CDH13: variants seen among roughly 807,000 people sequenced by gnomAD.
CDH13 encodes cadherin 13.
CDH13 carries 24 observed loss-of-function variants against 63.8 expected under a neutral mutation model. That is an observed-to-expected ratio of 0.38 (90% CI 0.27 to 0.53). The LOEUF (loss-of-function observed/expected upper bound fraction) is 0.53, where lower values mean the gene tolerates loss of function less well. CDH13 is among the 20% of genes least tolerant of loss of function. CDH13 has a pLI of 0.85. For synonymous variants in CDH13, 503 were observed against 355.3 expected (o/e 1.42, Z -4.67); for missense variants, 1,049 against 903.1 (o/e 1.16, Z -2.07).
chr16:83,134,977 C>T (rs541289214), intron 4 of CDH13, among the ~76,000 whole-genome samples: 3 of 152,220 alleles, frequency 2.0e-5, no homozygotes, highest in Admixed American at 6.5e-5. Flanking sequence ...TTATGAACAT[C>T]TGGCCTCAGA....
intron 4 of CDH13, among the ~76,000 whole-genome samples, chr16:83,164,553 T>A (rs1377852362): frequency 6.6e-6 from 1 of 151,888 alleles, no homozygotes; most frequent in African/African-American, 2.4e-5. Context: ...AAACCCCATC[T>A]CTACTAAAAA....
chr16:83,509,169 G>A (rs2074496318), intron 7 of CDH13, among the ~76,000 whole-genome samples: 1 of 152,216 alleles, frequency 6.6e-6, no homozygotes, highest in Admixed American at 6.5e-5. Flanking sequence ...GAGTTTCAAA[G>A]ATGTAAGAGC....
At chr16:83,741,452 A>C (rs187190916) in intron 10 of CDH13, among the ~76,000 whole-genome samples, 1 of 151,236 alleles carries the variant, frequency 6.6e-6, no homozygotes, top group Admixed American at 6.6e-5. Flanking sequence ...TACGTTTCTC[A>C]TAGTCTTTCC....
intron 10 of CDH13, among the ~76,000 whole-genome samples, chr16:83,694,076 C>G (rs1905147693): frequency 6.6e-6 from 1 of 152,150 alleles, no homozygotes; most frequent in Non-Finnish European, 1.5e-5. Context: ...TGGAATAAAA[C>G]AAGAACAGAC....
chr16:83,097,854 C>T (rs1018564980), intron 3 of CDH13, among the ~76,000 whole-genome samples: 4 of 152,136 alleles, frequency 2.6e-5, no homozygotes, highest in African/African-American at 7.2e-5. Flanking sequence ...GTAGAGTAGA[C>T]CACATTCCAC....
At chr16:83,490,813 C>T (rs1003279994) in intron 7 of CDH13, among the ~76,000 whole-genome samples, 1 of 152,214 alleles carries the variant, frequency 6.6e-6, no homozygotes, top group Non-Finnish European at 1.5e-5. Flanking sequence ...TAATAGATAT[C>T]AAGTTTCCCC....
intron 2 of CDH13, among the ~76,000 whole-genome samples, chr16:82,997,185 A>G (rs561167341): frequency 1.1e-4 from 16 of 151,694 alleles, no homozygotes; most frequent in African/African-American, 2.9e-4. Flanking sequence ...GATGGTGGTG[A>G]TGTTGATGGT....
chr16:82,963,918 C>A (rs974534438), intron 2 of CDH13, among the ~76,000 whole-genome samples: 2 of 152,184 alleles, frequency 1.3e-5, no homozygotes, highest in Non-Finnish European at 2.9e-5. Flanking sequence ...CCAGCCTGCT[C>A]TCACAGTTGG....
In CDH13 at chr16:83,353,111, T is replaced by G. The variant is rs574768834; in HGVS notation, c.781+8105T>G. Among the ~76,000 whole-genome samples, 3 of 152,320 alleles carry G rather than the reference T, an allele frequency of 2.0e-5. No homozygotes were observed. The East Asian group carries it at 5.8e-4, about 29-fold the overall frequency. ...AGGGTGTAACGTGTGAGAAATTGCTTAATGAGTACAATATATGTTACTCAG... is the reference window on the plus strand; with the variant it reads ...AGGGTGTAACGTGTGAGAAATTGCTGAATGAGTACAATATATGTTACTCAG... On this transcript the variant is annotated intron_variant, in intron 6 of 13. Coordinates refer to ENST00000567109, the MANE Select transcript of CDH13 (RefSeq NM_001257.5).
chr16:83,413,172 C>T (rs1045347224), intron 6 of CDH13, among the ~76,000 whole-genome samples: 4 of 152,108 alleles, frequency 2.6e-5, no homozygotes, highest in African/African-American at 7.2e-5. Context: ...TGCAAAGGCA[C>T]GGTGATGCAG....
chr16:82,865,517 T>C (rs1428826698), intron 2 of CDH13, among the ~76,000 whole-genome samples: 2 of 152,206 alleles, frequency 1.3e-5, no homozygotes, highest in African/African-American at 4.8e-5. Context: ...TCTGAAACAA[T>C]AGCCTGAACT....
In CDH13 at chr16:82,901,373, G is replaced by A. The variant is rs1256393420; in HGVS notation, c.157+42900G>A. Among the ~76,000 whole-genome samples, 3 of 129,396 alleles carry A rather than the reference G, an allele frequency of 2.3e-5. No individual in the cohort carries two copies. The Admixed American group carries it at 2.6e-4, about 11-fold the overall frequency. 84.9% of individuals were successfully genotyped at this position (129,396 alleles called of 152,430 possible). A position where few individuals can be genotyped will look rare whatever the true frequency, so the allele number is the denominator to read the frequency against. On this transcript the variant is annotated intron_variant, in intron 2 of 13. Transcript: ENST00000567109. ...GTGTGTGTGTGTGTGTGTGTCTGAT[G>A]ATTGGGGTTCTTGGATACTTAGGGT...
chr16:83,662,165 A>G (rs1913498503), intron 8 of CDH13, among the ~76,000 whole-genome samples: 1 of 152,106 alleles, frequency 6.6e-6, no homozygotes, highest in Non-Finnish European at 1.5e-5. Context: ...TCTTGTTGAG[A>G]TGCTATTCCT....
At chr16:83,721,372 T>A (rs1909671397) in intron 10 of CDH13, 1 of 152,254 alleles carries the variant, frequency 6.6e-6, no homozygotes, top group Non-Finnish European at 1.5e-5. Flanking sequence ...CTTCTCTTGA[T>A]CTTTGAAGCA....
intron 5 of CDH13, among the ~76,000 whole-genome samples, chr16:83,282,188 T>C (rs1597657801): frequency 6.6e-6 from 1 of 152,166 alleles, no homozygotes; most frequent in Admixed American, 6.5e-5. Context: ...ACATGGCTCA[T>C]GGTACCCCAA....
chr16:82,797,631 C>G (rs1446589402), intron 1 of CDH13, among the ~76,000 whole-genome samples: 3 of 152,102 alleles, frequency 2.0e-5, no homozygotes, highest in Non-Finnish European at 4.4e-5. Flanking sequence ...CATGTTGATT[C>G]TCATTTACCT....
intron 1 of CDH13, among the ~76,000 whole-genome samples, chr16:82,697,535 T>A (rs1240633680): frequency 6.7e-6 from 1 of 150,090 alleles, no homozygotes; most frequent in Admixed American, 6.7e-5. Context: ...TTCAAGCAAT[T>A]CTTCTGCCTC....
intron 13 of CDH13, among the ~76,000 whole-genome samples, chr16:83,784,819 A>G (rs1434164964): frequency 6.6e-6 from 1 of 151,906 alleles, no homozygotes; most frequent in Admixed American, 6.6e-5. Flanking sequence ...TGGTCTTCCC[A>G]CTGCAAAGCC....
chr16:83,295,385 A>G (rs970072265), intron 5 of CDH13, among the ~76,000 whole-genome samples: 3 of 152,174 alleles, frequency 2.0e-5, no homozygotes, highest in Non-Finnish European at 4.4e-5. Context: ...GATTATATCA[A>G]CTAAAAAACT....
Sources: gnomAD v4.1 joint callset for allele counts (sites outside exome capture counted in the v4.1 genomes callset) on GRCh38, gnomAD v4.1.1 for gene constraint, MANE v1.5 for transcripts, NCBI Gene and HGNC (gene_info 2026-07-23, HGNC 2026-07-21) for gene names.